Variants in LRRTM3 observed in about 807,000 individuals in gnomAD.
The protein encoded by LRRTM3 is leucine-rich repeat transmembrane neuronal protein 3.
LRRTM3 carries 24 observed loss-of-function variants against 44.7 expected under a neutral mutation model. The ratio of observed to expected loss-of-function variants is 0.54; its 90% CI spans 0.39 to 0.76. The LOEUF (loss-of-function observed/expected upper bound fraction) is 0.76, where lower values mean the gene tolerates loss of function less well. Among genes scored for constraint, LRRTM3 ranks in the 30% least tolerant of loss-of-function variants. The probability of loss-of-function intolerance (pLI) is 0.00; values close to 1 mark genes in which losing one functional copy is unlikely to be tolerated. For missense variants in LRRTM3, 587 were observed against 702.2 expected, an observed-to-expected ratio of 0.84 and a Z score of 1.85; for synonymous variants, 277 against 278.7, an observed-to-expected ratio of 0.99 and a Z score of 0.06.
At chr10:66,998,364 ATAGT>A (rs2132970270) in intron 2 of LRRTM3, among the ~76,000 whole-genome samples, 1 of 152,350 alleles carries the variant, frequency 6.6e-6, no homozygotes, top group East Asian at 1.9e-4. Context: ...CACAAGAAGC[ATAGT>A]TAATGTAAAA....
At chr10:66,937,372 T>C (rs1847765429) in intron 2 of LRRTM3, among the ~76,000 whole-genome samples, 1 of 152,182 alleles carries the variant, frequency 6.6e-6, no homozygotes, top group South Asian at 2.1e-4. Context: ...CTCATAAAGA[T>C]CCTATGAAGA....
At chr10:67,059,880 G>T (rs1472926086) in intron 2 of LRRTM3, among the ~76,000 whole-genome samples, 1 of 152,086 alleles carries the variant, frequency 6.6e-6, no homozygotes, top group Non-Finnish European at 1.5e-5. Context: ...TTGCAATGAA[G>T]ATATGTAAAT....
chr10:66,939,103 C>T (rs888397789), intron 2 of LRRTM3, among the ~76,000 whole-genome samples: 9 of 152,270 alleles, frequency 5.9e-5, no homozygotes, highest in Non-Finnish European at 8.8e-5. Flanking sequence ...TCTGATTTTA[C>T]GCGTTTCCAA....
chr10:66,952,624 A>T (rs889831708), intron 2 of LRRTM3, among the ~76,000 whole-genome samples: 2 of 152,098 alleles, frequency 1.3e-5, no homozygotes, highest in African/African-American at 4.8e-5. Flanking sequence ...TATAGAAGGT[A>T]AATCAATTAA....
At chr10:66,991,459 T>G (rs1851032703) in intron 2 of LRRTM3, among the ~76,000 whole-genome samples, 1 of 152,222 alleles carries the variant, frequency 6.6e-6, no homozygotes, top group Non-Finnish European at 1.5e-5. Context: ...CTATTTATTT[T>G]GATTTTTGAA....
intron 2 of LRRTM3, among the ~76,000 whole-genome samples, chr10:66,962,577 T>C (rs549179419): frequency 6.6e-6 from 1 of 151,588 alleles, no homozygotes; most frequent in East Asian, 2.0e-4. Flanking sequence ...ACCCAGATAA[T>C]TTTTTTTCTA....
At chr10:67,052,310 A>ATCTCTCTCTCTC (rs1238182355) in intron 2 of LRRTM3, among the ~76,000 whole-genome samples, 13 of 92,746 alleles carry the variant, frequency 1.4e-4, no homozygotes, top group East Asian at 4.6e-4. Context: ...ACACCCACTC[A>ATCTCTCTCTCTC]TCACTCTCTC....
chr10:66,930,401 A>C (rs959471441), intron 2 of LRRTM3, among the ~76,000 whole-genome samples: 2 of 152,164 alleles, frequency 1.3e-5, no homozygotes, highest in Non-Finnish European at 2.9e-5. Context: ...TTTTTACTGA[A>C]GTTGTAACTT....
chr10:66,984,178 CAA>C (rs1388128724), intron 2 of LRRTM3, among the ~76,000 whole-genome samples: 2 of 152,038 alleles, frequency 1.3e-5, no homozygotes, highest in Non-Finnish European at 2.9e-5. Flanking sequence ...TAAGTCAAGA[CAA>C]TGTATTTACC....
In LRRTM3 at chr10:66,926,036, A is replaced by G; in HGVS notation, c.-548A>G. On this transcript the variant is annotated 5_prime_UTR_variant, in exon 1 of 3. Transcript: ENST00000361320. ...AGACTGCATTCACTGAAACCAAAGCAACAGTCCGAGCAGCTTTCAGAATGA... is the reference window on the plus strand; with the variant it reads ...AGACTGCATTCACTGAAACCAAAGCGACAGTCCGAGCAGCTTTCAGAATGA... The G allele has an allele frequency of 2.2e-6, 1 of 456,940 alleles. No homozygotes were observed. Among genetic ancestry groups the G allele is most frequent in the Non-Finnish European group, 4.4e-6 (1 of 227,128 alleles). 28.3% of individuals were successfully genotyped at this position (456,940 alleles called of 1,614,324 possible).
intron 2 of LRRTM3, among the ~76,000 whole-genome samples, chr10:67,060,152 C>CA (rs1215359362): frequency 1.3e-5 from 2 of 151,916 alleles, no homozygotes; most frequent in East Asian, 1.9e-4. Context: ...CCCATCTCCA[C>CA]AAAAAAATAC....
chr10:66,961,030 T>G (rs1849081215), intron 2 of LRRTM3, among the ~76,000 whole-genome samples: 1 of 152,192 alleles, frequency 6.6e-6, no homozygotes, highest in African/African-American at 2.4e-5. Flanking sequence ...TAACTTGACA[T>G]AGTTATCACA....
chr10:67,039,799 C>A (rs1274933592), intron 2 of LRRTM3, among the ~76,000 whole-genome samples: 1 of 152,142 alleles, frequency 6.6e-6, no homozygotes, highest in Non-Finnish European at 1.5e-5. Context: ...GAAATCAGCA[C>A]TGCTTTGTTT....
chr10:66,963,133 A>C (rs1398696859), intron 2 of LRRTM3, among the ~76,000 whole-genome samples: 3 of 152,220 alleles, frequency 2.0e-5, no homozygotes, highest in Admixed American at 1.3e-4. Context: ...GCTTGAAATA[A>C]AACAAAGCTA....
chr10:66,963,215 T>C (rs1195214963), intron 2 of LRRTM3, among the ~76,000 whole-genome samples: 2 of 152,186 alleles, frequency 1.3e-5, no homozygotes, highest in Non-Finnish European at 2.9e-5. Context: ...GGACAGTGCA[T>C]CCACAAGGAG....
At chr10:66,978,552 A>AATATATATATATATATATAT (rs1554890349) in intron 2 of LRRTM3, among the ~76,000 whole-genome samples, 7 of 37,874 alleles carry the variant, frequency 1.8e-4, no homozygotes, top group East Asian at 1.8e-3. Context: ...AAAAAAAAAA[A>AATATATATATATATATATAT]ATATATATAT....
chr10:67,030,648 CCATT>C (rs1262364364), intron 2 of LRRTM3, among the ~76,000 whole-genome samples: 1 of 152,020 alleles, frequency 6.6e-6, no homozygotes, highest in Non-Finnish European at 1.5e-5. Context: ...TTGTTTATCA[CCATT>C]ATTATTTCTC....
chr10:67,095,449 T>C (rs182886884), intron 2 of LRRTM3, among the ~76,000 whole-genome samples: 1 of 151,942 alleles, frequency 6.6e-6, no homozygotes, highest in Admixed American at 6.6e-5. Context: ...ATGTGGGATT[T>C]TTAAAACAGA....
At chr10:66,995,022 A>T (rs940536162) in intron 2 of LRRTM3, among the ~76,000 whole-genome samples, 3 of 152,144 alleles carry the variant, frequency 2.0e-5, no homozygotes, top group African/African-American at 4.8e-5. Context: ...ATGCCTTCTC[A>T]TTCCAAGTAT....
Sources: gnomAD v4.1 joint callset for allele counts (sites outside exome capture counted in the v4.1 genomes callset) on GRCh38, gnomAD v4.1.1 for gene constraint, MANE v1.5 for transcripts, NCBI Gene and HGNC (gene_info 2026-07-23, HGNC 2026-07-21) for gene names.